ABCA13: variants seen among roughly 807,000 people sequenced by gnomAD.
ABCA13 encodes ATP-binding cassette sub-family A member 13.
In ABCA13, 476 loss-of-function variants were observed where a neutral mutation model predicts 478.7. The ratio of observed to expected loss-of-function variants is 0.99; its 90% CI spans 0.92 to 1.07. The LOEUF (loss-of-function observed/expected upper bound fraction) is 1.07. ABCA13 is among the 50% of genes least tolerant of loss of function. ABCA13 has a pLI of 0.00. For synonymous variants in ABCA13, 2,252 were observed against 2,158.9 expected, an observed-to-expected ratio of 1.04 and a Z score of -1.20; for missense variants, 6,060 against 5,910.6, an observed-to-expected ratio of 1.03 and a Z score of -0.83.
At chr7:48,538,888 C>T (rs1197840866) in intron 55 of ABCA13, among the ~76,000 whole-genome samples, 2 of 152,168 alleles carry the variant, frequency 1.3e-5, no homozygotes, top group Non-Finnish European at 2.9e-5. Context: ...TCTTTACAAA[C>T]TCTCTGTCGA....
At chr7:48,183,387 T>C (rs1795962004) in intron 1 of ABCA13, among the ~76,000 whole-genome samples, 1 of 152,208 alleles carries the variant, frequency 6.6e-6, no homozygotes, top group South Asian at 2.1e-4. Flanking sequence ...CCAGGTACCA[T>C]CACAAATTAG....
In ABCA13 at chr7:48,240,996, A is replaced by G; in HGVS notation, c.1192A>G (p.Thr398Ala). The G allele has an allele frequency of 6.2e-7, 1 of 1,614,024 alleles. No homozygotes were observed. Residue 398 changes from threonine to alanine, a missense_variant, in exon 10 of 62, where the codon ACT becomes GCT. Transcript: ENST00000435803. ...KPWKVVEALH[T>A]ALLLLNDSLS... ...CTGGAAGGTGGTGGAAGCTCTGCAC[A>G]CTGCACTGCTCCTGCTGAATGACAG...
intron 29 of ABCA13, among the ~76,000 whole-genome samples, chr7:48,341,585 TTCTC>T (rs1161604079): frequency 6.6e-6 from 1 of 151,966 alleles, no homozygotes; most frequent in African/African-American, 2.4e-5. Context: ...CATCTCTTCT[TTCTC>T]TCTCCTTTTT....
intron 58 of ABCA13, among the ~76,000 whole-genome samples, chr7:48,605,920 C>T (rs762754099): frequency 6.6e-6 from 1 of 152,150 alleles, no homozygotes; most frequent in Non-Finnish European, 1.5e-5. Flanking sequence ...TCTTTTCACT[C>T]TTTTTCTCTA....
intron 27 of ABCA13, among the ~76,000 whole-genome samples, chr7:48,330,737 A>ACATCCATCCATCCATC (rs201089135): frequency 1.1e-3 from 149 of 136,968 alleles, no homozygotes; most frequent in South Asian, 2.4e-3. Flanking sequence ...ATCCATTGAC[A>ACATCCATCCATCCATC]CATCCATCCA....
At chr7:48,393,591 G>T (rs1421862957) in intron 38 of ABCA13, among the ~76,000 whole-genome samples, 1 of 152,180 alleles carries the variant, frequency 6.6e-6, no homozygotes, top group Non-Finnish European at 1.5e-5. Context: ...TAAGGTGAAA[G>T]CTCACAGGGT....
intron 32 of ABCA13, among the ~76,000 whole-genome samples, chr7:48,369,115 A>G (rs572245535): frequency 6.6e-6 from 1 of 152,196 alleles, no homozygotes; most frequent in African/African-American, 2.4e-5. Flanking sequence ...GTAGAGTGGT[A>G]TTACATTGTG....
chr7:48,626,828 A>G (rs1793710929), intron 59 of ABCA13: 1 of 985,548 alleles, frequency 1.0e-6, no homozygotes. Flanking sequence ...GGTGTTGAGT[A>G]TGTTCCTAGG....
At chr7:48,224,230 C>T (rs1416191240) in intron 5 of ABCA13, among the ~76,000 whole-genome samples, 1 of 152,132 alleles carries the variant, frequency 6.6e-6, no homozygotes. Flanking sequence ...TCTGTTCTTC[C>T]CCGAAGTCAG....
intron 3 of ABCA13, among the ~76,000 whole-genome samples, chr7:48,203,125 C>A (rs1227435577): frequency 6.6e-6 from 1 of 152,242 alleles, no homozygotes; most frequent in Admixed American, 6.5e-5. Context: ...GCTGGGGAAC[C>A]CAGTACATCC....
At chr7:48,180,261 T>C (rs973892285) in intron 1 of ABCA13, among the ~76,000 whole-genome samples, 3 of 152,218 alleles carry the variant, frequency 2.0e-5, no homozygotes, top group African/African-American at 7.2e-5. Flanking sequence ...TTGAACTCCA[T>C]GTCCACAGCA....
chr7:48,197,579 G>A (rs957040769), intron 2 of ABCA13, among the ~76,000 whole-genome samples: 2 of 151,462 alleles, frequency 1.3e-5, no homozygotes, highest in South Asian at 2.1e-4. Context: ...CAGGAGAAAC[G>A]GGCCGGTAAT....
chr7:48,562,111 G>C (rs1483043178), intron 55 of ABCA13, among the ~76,000 whole-genome samples: 1 of 113,052 alleles, frequency 8.8e-6, no homozygotes, highest in Non-Finnish European at 1.8e-5. Flanking sequence ...GTATGGGGGG[G>C]GAGGTGGATA....
chr7:48,569,838 ATTTG>A (rs765943427), intron 55 of ABCA13, among the ~76,000 whole-genome samples: 8 of 151,742 alleles, frequency 5.3e-5, no homozygotes, highest in Non-Finnish European at 1.2e-4. Flanking sequence ...AAGTCTTTTT[ATTTG>A]TTTGTTTGTT....
Position 48,471,392 on chromosome 7 carries a change from G to A in ABCA13, c.12906-138G>A, listed in dbSNP as rs190659730. ...AACAGCTCAAGCTGTGAAAACAAATGTAAGAGCTCTGCCTTCTCGGCAGTG... is the reference window on the plus strand; with the variant it reads ...AACAGCTCAAGCTGTGAAAACAAATATAAGAGCTCTGCCTTCTCGGCAGTG... On this transcript the variant is annotated intron_variant, in intron 44 of 61. Transcript: ENST00000435803. 8.1e-6 allele frequency: 6 copies of A among 737,638 alleles called. No individual in the cohort carries two copies. The East Asian group carries it at 1.4e-4, about 17-fold the overall frequency. The allele number at this position is 737,638 out of a possible 1,614,324, so 45.7% of individuals were successfully genotyped here.
At chr7:48,250,320 T>A (rs1200968301) in intron 15 of ABCA13, among the ~76,000 whole-genome samples, 1 of 152,122 alleles carries the variant, frequency 6.6e-6, no homozygotes, top group Non-Finnish European at 1.5e-5. Context: ...ATATATTAAA[T>A]CACTGGACAT....
Position 48,276,426 on chromosome 7 carries a change from G to T in ABCA13, c.6760G>T (p.Val2254Phe). The T allele has an allele frequency of 6.4e-7, 1 of 1,569,928 alleles. No homozygotes were observed. Among genetic ancestry groups the T allele is most frequent in the South Asian group, 1.2e-5 (1 of 82,644 alleles). Residue 2254 changes from valine (V) to phenylalanine (F), a missense_variant, in exon 17 of 62, where the codon GTT (valine) becomes TTT (phenylalanine). By Grantham distance (50) the Val-to-Phe change is conservative. Around this residue, in one of 3 missense-constraint regions of ABCA13, gnomAD observed 4,423 missense variants for 4,309.1 expected, o/e 1.03. Transcript: ENST00000435803. The part of the protein sequence containing the change: ...HMQSETSRKT[V>F]LSLRSIVDFT... ...GCAGTCAGAAACTAGTAGGAAAACAGTTCTCTCTCTGAGAAGCATAGTAGA... is the reference window on the plus strand; with the variant it reads ...GCAGTCAGAAACTAGTAGGAAAACATTTCTCTCTCTGAGAAGCATAGTAGA...
chr7:48,221,948 A>C (rs1787417579), intron 5 of ABCA13, among the ~76,000 whole-genome samples: 1 of 152,242 alleles, frequency 6.6e-6, no homozygotes, highest in Admixed American at 6.5e-5. Flanking sequence ...CTCATATTGC[A>C]GCACCAGACA....
chr7:48,489,758 G>A (rs1452476032), intron 48 of ABCA13, among the ~76,000 whole-genome samples: 1 of 152,110 alleles, frequency 6.6e-6, no homozygotes, highest in East Asian at 1.9e-4. Context: ...GATTTATGCT[G>A]AGCCCTCAAT....
Sources: allele counts gnomAD v4.1 joint callset (sites outside exome capture counted in the v4.1 genomes callset), GRCh38; gene constraint gnomAD v4.1.1; regional missense constraint gnomAD v4.1.1; transcripts MANE v1.5; gene names NCBI Gene and HGNC (gene_info 2026-07-23, HGNC 2026-07-21).